Variants in FHIT observed in about 807,000 individuals in gnomAD.
FHIT encodes the protein bis(5'-adenosyl)-triphosphatase.
A neutral mutation model predicts 17.9 loss-of-function variants in FHIT; 19 were observed. The ratio of observed to expected loss-of-function variants is 1.06; its 90% CI spans 0.74 to 1.56. The LOEUF is 1.56. Ranked by LOEUF, FHIT falls within the 40% of genes most tolerant of loss-of-function variation. The pLI, the probability that FHIT is intolerant of heterozygous loss-of-function variation, is 0.00. For synonymous variants in FHIT, 81 were observed against 69.7 expected, an observed-to-expected ratio of 1.16 and a Z score of -0.81; for missense variants, 248 against 189.2, an observed-to-expected ratio of 1.31 and a Z score of -1.82.
At chr3:61,217,283 G>C (rs2039710745) in intron 1 of FHIT, among the ~76,000 whole-genome samples, 1 of 152,168 alleles carries the variant, frequency 6.6e-6, no homozygotes, top group African/African-American at 2.4e-5. Flanking sequence ...TAGCAGACTT[G>C]AAAGTTAGGG....
chr3:61,024,509 C>A (rs898798016), intron 3 of FHIT, among the ~76,000 whole-genome samples: 1 of 151,884 alleles, frequency 6.6e-6, no homozygotes, highest in Non-Finnish European at 1.5e-5. Context: ...TTTGGCTTTT[C>A]TTTTTCTTTT....
intron 3 of FHIT, among the ~76,000 whole-genome samples, chr3:61,041,206 C>G (rs1302556736): frequency 2.0e-5 from 3 of 152,004 alleles, no homozygotes; most frequent in Non-Finnish European, 4.4e-5. Flanking sequence ...TGCGGAAACC[C>G]TGCCTCTACT....
At position 60,860,886 on chromosome 3, in the gene FHIT, A is replaced by AT. The variant is rs781954783; in HGVS notation, c.-110-38876_-110-38875insA. Among the ~76,000 whole-genome samples the AT allele has an allele frequency of 1.7e-4, 15 of 88,812 alleles. 2 individuals carry two copies. The highest frequency in any genetic ancestry group is 3.1e-4 in the South Asian group (1 of 3,240). 58.3% of individuals were successfully genotyped at this position (88,812 alleles called of 152,430 possible). A position where few individuals can be genotyped will look rare whatever the true frequency, so the allele number is the denominator to read the frequency against. ...TGTACATATATATCATGTATATATG[A>AT]ACATATATACGTATATATCATGTAT... On this transcript the variant is annotated intron_variant, in intron 3 of 9. Transcript: ENST00000492590.
At chr3:60,952,278 A>G (rs1268155819) in intron 3 of FHIT, among the ~76,000 whole-genome samples, 1 of 151,664 alleles carries the variant, frequency 6.6e-6, no homozygotes, top group African/African-American at 2.4e-5. Context: ...CAACCACTAT[A>G]GTGGGGAAAG....
intron 5 of FHIT, among the ~76,000 whole-genome samples, chr3:60,393,898 C>T (rs560867136): frequency 6.6e-6 from 1 of 152,116 alleles, no homozygotes; most frequent in Non-Finnish European, 1.5e-5. Context: ...CATTTGCCAC[C>T]CTGCTCTGCG....
chr3:59,903,605 T>C (rs886112524), intron 8 of FHIT, among the ~76,000 whole-genome samples: 1 of 152,190 alleles, frequency 6.6e-6, no homozygotes, highest in African/African-American at 2.4e-5. Context: ...AGAATTAAAA[T>C]ACTCAAACAT....
Position 60,141,401 on chromosome 3 carries a change from C to G in FHIT, c.104-127249G>C, listed in dbSNP as rs1357206147. Among the ~76,000 whole-genome samples the G allele has an allele frequency of 2.3e-5, 3 of 130,044 alleles. No homozygotes were observed. In the South Asian group the frequency reaches 7.3e-4, roughly 31 times the overall value. 85.3% of individuals were successfully genotyped at this position (130,044 alleles called of 152,430 possible). On this transcript the variant is annotated intron_variant, in intron 5 of 9. Transcript: ENST00000492590. ...ATGCCCATTAAAAAAAAAAAAAAAACACTGAAGACTTTACAAATAACTGAG... is the reference window on the plus strand; with the variant it reads ...ATGCCCATTAAAAAAAAAAAAAAAAGACTGAAGACTTTACAAATAACTGAG...
At chr3:60,984,413 C>T (rs1022061676) in intron 3 of FHIT, among the ~76,000 whole-genome samples, 10 of 152,134 alleles carry the variant, frequency 6.6e-5, no homozygotes, top group African/African-American at 2.2e-4. Context: ...ACCAATACAC[C>T]CACCCAAATG....
chr3:59,936,079 T>C (rs1453098321), intron 7 of FHIT, among the ~76,000 whole-genome samples: 1 of 152,160 alleles, frequency 6.6e-6, no homozygotes, highest in East Asian at 1.9e-4. Context: ...AAATAGCTTA[T>C]CCTAAAAACA....
intron 4 of FHIT, among the ~76,000 whole-genome samples, chr3:60,821,140 T>C (rs1701915134): frequency 1.3e-5 from 2 of 152,078 alleles, no homozygotes; most frequent in Admixed American, 1.3e-4. Context: ...CACATCCGGC[T>C]AATTTTTGGA....
chr3:61,141,468 A>G (rs1327913495), intron 2 of FHIT, among the ~76,000 whole-genome samples: 2 of 152,200 alleles, frequency 1.3e-5, no homozygotes, highest in Admixed American at 6.5e-5. Flanking sequence ...TGTTGTGGCA[A>G]TATCAGATAA....
intron 5 of FHIT, among the ~76,000 whole-genome samples, chr3:60,085,104 T>C (rs988191161): frequency 2.6e-5 from 4 of 152,178 alleles, no homozygotes; most frequent in East Asian, 1.9e-4. Flanking sequence ...CAAGTGATCC[T>C]AGCTGGGCCA....
chr3:60,283,226 T>C lies in FHIT; in HGVS notation c.103+253634A>G, dbSNP rs535143089. On this transcript the variant is annotated intron_variant, in intron 5 of 9. Coordinates refer to ENST00000492590, the MANE Select transcript of FHIT (RefSeq NM_002012.4). Reference sequence around the variant, plus strand: ...GATTTAGGAGAGCGAAAAACAGGGATATATACACACACACACATACACACA... The same window carrying C: ...GATTTAGGAGAGCGAAAAACAGGGACATATACACACACACACATACACACA... Among the ~76,000 whole-genome samples, 3 of 151,878 alleles carry C rather than the reference T, an allele frequency of 2.0e-5. No homozygotes were observed. The East Asian group carries it at 5.8e-4, about 29-fold the overall frequency.
chr3:60,026,033 A>T (rs1252652290), intron 5 of FHIT, among the ~76,000 whole-genome samples: 2 of 152,170 alleles, frequency 1.3e-5, no homozygotes, highest in African/African-American at 4.8e-5. Context: ...GGGGAAAGAA[A>T]AGTTCTTTCC....
At chr3:59,851,591 T>G (rs527963927) in intron 8 of FHIT, among the ~76,000 whole-genome samples, 1 of 152,312 alleles carries the variant, frequency 6.6e-6, no homozygotes, top group Non-Finnish European at 1.5e-5. Flanking sequence ...ACCTATGTAA[T>G]ACTTAGCTTT....
At chr3:59,906,020 G>C (rs1418960939) in intron 8 of FHIT, among the ~76,000 whole-genome samples, 1 of 152,132 alleles carries the variant, frequency 6.6e-6, no homozygotes, top group Non-Finnish European at 1.5e-5. Flanking sequence ...AGAGATTCAG[G>C]CATCAGACAT....
At chr3:59,932,553 T>A (rs762365194) in intron 7 of FHIT, among the ~76,000 whole-genome samples, 1 of 152,224 alleles carries the variant, frequency 6.6e-6, no homozygotes, top group Non-Finnish European at 1.5e-5. Flanking sequence ...AACGATGGGT[T>A]TATAAGACGG....
intron 5 of FHIT, among the ~76,000 whole-genome samples, chr3:60,091,742 C>T (rs1703742472): frequency 6.6e-6 from 1 of 151,990 alleles, no homozygotes; most frequent in East Asian, 1.9e-4. Flanking sequence ...TAAAAGTGTG[C>T]GGCACCTCCC....
intron 3 of FHIT, among the ~76,000 whole-genome samples, chr3:60,859,434 A>G (rs2106951169): frequency 6.6e-6 from 1 of 152,160 alleles, no homozygotes; most frequent in Admixed American, 6.5e-5. Context: ...CCGCATTTCC[A>G]CCCATGCACA....
Sources: gnomAD v4.1 joint callset for allele counts (sites outside exome capture counted in the v4.1 genomes callset) on GRCh38, gnomAD v4.1.1 for gene constraint, MANE v1.5 for transcripts, NCBI Gene and HGNC (gene_info 2026-07-23, HGNC 2026-07-21) for gene names.